The following DNAH2 variants were observed in gnomAD, a reference collection of about 807,000 sequenced individuals.
DNAH2 encodes the protein dynein axonemal heavy chain 2.
In DNAH2, 323 loss-of-function variants were observed where a neutral mutation model predicts 523.5. The ratio of observed to expected loss-of-function variants is 0.62; its 90% CI spans 0.56 to 0.68. The LOEUF (loss-of-function observed/expected upper bound fraction) is 0.68, where lower values mean the gene tolerates loss of function less well. DNAH2 is among the 30% of genes least tolerant of loss of function. The probability of loss-of-function intolerance (pLI) is 0.00; values close to 1 mark genes in which losing one functional copy is unlikely to be tolerated. For missense variants in DNAH2, 4,907 were observed against 5,701.5 expected (o/e 0.86, Z 4.49); for synonymous variants, 2,093 against 2,177.4 (o/e 0.96, Z 1.08).
chr17:7,774,665 T>C, intron 28 of DNAH2, 94 bp from the exon 29 acceptor site: 1 of 1,140,988 alleles, frequency 8.8e-7, no homozygotes, highest in Non-Finnish European at 1.3e-6. Flanking sequence ...TGCCCCACTG[T>C]TCAAGAGCTG....
In DNAH2 at chr17:7,796,758, A is replaced by G. The variant is rs1240823775; in HGVS notation, c.7863+106A>G. ...CTCACTAGCATGCGCACCAAAAGTC[A>G]CCCCCATGCTGAAGTGCCACACTCC... On this transcript the variant is annotated intron_variant, in intron 50 of 85. Coordinates refer to ENST00000572933, the MANE Select transcript of DNAH2 (RefSeq NM_020877.5). The G allele has an allele frequency of 5.4e-6, 7 of 1,285,212 alleles. No individual in the cohort carries two copies. In the African/African-American group the frequency reaches 7.6e-5, roughly 14 times the overall value. 79.6% of individuals were successfully genotyped at this position (1,285,212 alleles called of 1,614,324 possible).
intron 44 of DNAH2, among the ~76,000 whole-genome samples, chr17:7,789,374 G>A (rs997977792): frequency 2.6e-5 from 4 of 152,150 alleles, no homozygotes; most frequent in African/African-American, 7.2e-5. Context: ...CGAGCTGGTG[G>A]TCTGTAGCCG....
chr17:7,804,345 T>C lies in DNAH2; in HGVS notation c.9062T>C (p.Val3021Ala), dbSNP rs778791164. Residue 3021 changes from valine (V) to alanine (A), a missense_variant, in exon 59 of 86, where the codon GTG (valine) becomes GCG (alanine). This residue lies in a region of DNAH2 where 1,851 missense variants were observed against 2,139.4 expected (regional missense o/e 0.87). Transcript: ENST00000572933. ...LFKIDETREK[V>A]QVMSLELEDA... ...AAGATCGACGAAACTAGGGAAAAGGTGCAAGTGATGTCGTTGGAGCTGGAG... is the reference window on the plus strand; with the variant it reads ...AAGATCGACGAAACTAGGGAAAAGGCGCAAGTGATGTCGTTGGAGCTGGAG... The C allele has an allele frequency of 1.2e-6, 2 of 1,614,038 alleles. No homozygotes were observed. The highest frequency in any genetic ancestry group is 1.7e-6 in the Non-Finnish European group (2 of 1,180,004).
At position 7,763,813 on chromosome 17, in the gene DNAH2, G is replaced by T. The variant is rs751665003; in HGVS notation, c.2979-18G>T. 5.6e-6 allele frequency: 9 copies of T among 1,613,604 alleles called. No individual in the cohort carries two copies. The East Asian group carries it at 2.0e-4, about 36-fold the overall frequency. On this transcript the variant is annotated intron_variant, in intron 18 of 85. Transcript: ENST00000572933. ...GCAAAGAAAACAACATCCTAGCTGGGATCTGGGGCTCTTGCAGCTACACGG... is the reference window on the plus strand; with the variant it reads ...GCAAAGAAAACAACATCCTAGCTGGTATCTGGGGCTCTTGCAGCTACACGG...
rs1007625911 is a variant in DNAH2, at chr17:7,771,492, C to G, written c.4501+24C>G. 5 of 1,612,430 alleles carry G rather than the reference C, an allele frequency of 3.1e-6. No homozygotes were observed. In the African/African-American group the frequency reaches 6.7e-5, roughly 22 times the overall value. On this transcript the variant is annotated intron_variant, in intron 28 of 85. Coordinates refer to ENST00000572933, the MANE Select transcript of DNAH2 (RefSeq NM_020877.5). ...AGGTCAGAGCTCCAGGGCTCCTGCC[C>G]TGACACAGCCTCGGCAGGCACTCTG...
chr17:7,800,060 T>C (rs1597705047), intron 56 of DNAH2, among the ~76,000 whole-genome samples: 1 of 152,352 alleles, frequency 6.6e-6, no homozygotes, highest in East Asian at 1.9e-4. Flanking sequence ...CTTTGTTTCT[T>C]TTTTTGTTTG....
rs143499689 is a variant in DNAH2 at position 7,805,442 on chromosome 17, T to C, written c.9442+49T>C. The C allele has an allele frequency of 6.8e-6, 11 of 1,611,306 alleles. No individual in the cohort carries two copies. In the South Asian group the frequency reaches 7.7e-5, roughly 11 times the overall value. On this transcript the variant is annotated intron_variant, in intron 61 of 85. Coordinates refer to ENST00000572933, the MANE Select transcript of DNAH2 (RefSeq NM_020877.5). Reference sequence around the variant, plus strand: ...ATGACTTCCACTCACCCAGTGTTTATTGATCGTCGGCTGTGCAGCAGACAC... The same window carrying C: ...ATGACTTCCACTCACCCAGTGTTTACTGATCGTCGGCTGTGCAGCAGACAC...
In DNAH2 at chr17:7,719,847, C is replaced by T. The variant is rs2151110129; in HGVS notation, c.113C>T (p.Ala38Val). The change falls in exon 2 of 86, where the codon GCC becomes GTC. Residue 38 changes from alanine (A) to valine (V), a missense_variant. Ala to Val is a moderately conservative substitution (Grantham distance 64). Coordinates refer to ENST00000572933, the MANE Select transcript of DNAH2 (RefSeq NM_020877.5). ...AAVATQEQGN[A>V]PAVSEPELQA... ...GTGGCCACACAGGAGCAGGGGAATG[C>T]CCCGGCTGTCAGTGAGCCAGAGCTG... 1 of 1,602,236 alleles carries T rather than the reference C, an allele frequency of 6.2e-7. No homozygotes were observed. Among genetic ancestry groups the T allele is most frequent in the Non-Finnish European group, 8.5e-7 (1 of 1,174,006 alleles).
At position 7,727,252 on chromosome 17, in the gene DNAH2, C is replaced by T; in HGVS notation, c.359C>T (p.Pro120Leu). Residue 120 changes from proline to leucine, a missense_variant, in exon 4 of 86, where the codon CCT becomes CTT. Pro to Leu is a moderately conservative substitution (Grantham distance 98, BLOSUM62 -3). Transcript: ENST00000572933. The stretch of plus-strand genomic sequence containing the variant: ...TCCATCCTCACCATCTTCATTGACC[C>T]TTGTTTTGGGCTGAAGCTAGAGCTG... ...TESILTIFIDPCFGLKLELGM... is the reference protein window; with the variant it reads ...TESILTIFIDLCFGLKLELGM... 1 of 1,611,840 alleles carries T rather than the reference C, an allele frequency of 6.2e-7. No homozygotes were observed.
intron 12 of DNAH2, among the ~76,000 whole-genome samples, chr17:7,750,450 G>A (rs2075652569): frequency 6.6e-6 from 1 of 151,768 alleles, no homozygotes; most frequent in African/African-American, 2.4e-5. Context: ...CTCTTTTTTG[G>A]TTTACGCCTT....
At position 7,817,272 on chromosome 17, in the gene DNAH2, C is replaced by T. The variant is rs2077698587; in HGVS notation, c.9895-18C>T. 1 of 1,584,374 alleles carries T rather than the reference C, an allele frequency of 6.3e-7. No individual in the cohort carries two copies. The highest frequency in any genetic ancestry group is 8.5e-7 in the Non-Finnish European group (1 of 1,172,190). ...GTGCTGGGGCCCAGGCAGGCTTACC[C>T]TCCCTCCTGTCCGCCAGGGCCTGGA... On this transcript the variant is annotated intron_variant, in intron 64 of 85. Transcript: ENST00000572933.
In DNAH2 at chr17:7,781,103, T is replaced by C. The variant is rs928231337; in HGVS notation, c.6065T>C (p.Leu2022Pro). 6.2e-7 allele frequency: 1 copy of C among 1,614,228 alleles called. No individual in the cohort carries two copies. Among genetic ancestry groups the C allele is most frequent in the Non-Finnish European group, 8.5e-7 (1 of 1,180,044 alleles). The part of the protein sequence containing the change: ...IAKLTSVDAP[L>P]FNAIVQDLFP... ...AAGCTCACTTCAGTTGATGCACCCC[T>C]GTTCAATGCCATCGTGCAAGATCTG... The change falls in exon 39 of 86, where the codon CTG becomes CCG. Residue 2022 changes from leucine to proline, a missense_variant. By Grantham distance (98) the Leu-to-Pro change is moderately conservative (BLOSUM62 -3). Around this residue, in one of 3 missense-constraint regions of DNAH2, gnomAD observed 2,806 missense variants for 3,190.8 expected, o/e 0.88. Coordinates refer to ENST00000572933, the MANE Select transcript of DNAH2 (RefSeq NM_020877.5).
chr17:7,810,249 G>A (rs568195965), intron 63 of DNAH2, among the ~76,000 whole-genome samples: 3 of 151,728 alleles, frequency 2.0e-5, no homozygotes, highest in Non-Finnish European at 4.4e-5. Context: ...ATTTTTTGTA[G>A]AGACGGGGTT....
In DNAH2 at chr17:7,727,148, G is replaced by A. The variant is rs35406368; in HGVS notation, c.255G>A (p.Ala85=). The A allele has an allele frequency of 6.6e-4, 1,045 of 1,584,204 alleles. 10 individuals carry two copies. In the African/African-American group the frequency reaches 0.012, roughly 19 times the overall value. The part of the protein sequence containing the change: ...DVKPLFLSRA[A]LTGLADAVWT... ...AGCCCCTCTTCCTTTCCCGAGCTGC[G>A]CTGACAGGACTGGCGGATGCAGTGT... Residue 85 remains alanine (A), a synonymous_variant, in exon 4 of 86, where the codon GCG becomes GCA. Coordinates refer to ENST00000572933, the MANE Select transcript of DNAH2 (RefSeq NM_020877.5).
rs776630365 is a variant in DNAH2, at chr17:7,788,228, C to T, written c.6884C>T (p.Ala2295Val). The stretch of plus-strand genomic sequence containing the variant: ...CTCTGCAAGCTGTACTCTGCCCTGG[C>T]CACGCCAGAGAATGGGGTAAGGGGA... Reference protein sequence around the residue: ...TSLCKLYSALATPENGVNPAD... With the variant: ...TSLCKLYSALVTPENGVNPAD... Residue 2295 changes from alanine (A) to valine (V), a missense_variant, in exon 44 of 86, where the codon GCC (alanine) becomes GTC (valine). Coordinates refer to ENST00000572933, the MANE Select transcript of DNAH2 (RefSeq NM_020877.5). 2 of 1,593,270 alleles carry T rather than the reference C, an allele frequency of 1.3e-6. No homozygotes were observed. Among genetic ancestry groups the T allele is most frequent in the Non-Finnish European group, 1.7e-6 (2 of 1,169,706 alleles).
chr17:7,764,420 T>G, intron 20 of DNAH2, 147 bp downstream of exon 20: 1 of 933,444 alleles, frequency 1.1e-6, no homozygotes. Context: ...AAATGATACC[T>G]TTACTTAGCT....
At position 7,787,877 on chromosome 17, in the gene DNAH2, A is replaced by G. The variant is rs775334745; in HGVS notation, c.6621A>G (p.Glu2207=). 177 of 1,613,928 alleles carry G rather than the reference A, an allele frequency of 1.1e-4. 2 individuals carry two copies. The South Asian group carries it at 1.7e-3, about 16-fold the overall frequency. ...ATCCTTAGGTGTCTCTCCTGTTTGA[A>G]GTGGAGGACCTGGCAATGGCCTCTC... The part of the protein sequence containing the change: ...AMPEQVSLLF[E]VEDLAMASPA... Residue 2207 remains glutamate, a synonymous_variant, in exon 43 of 86, where the codon GAA becomes GAG. Transcript: ENST00000572933.
chr17:7,791,792 A>ACAG, intron 44 of DNAH2, 125 bp from the exon 45 acceptor site: 3 of 944,422 alleles, frequency 3.2e-6, no homozygotes, highest in African/African-American at 1.7e-5. Context: ...AAACTGTGCG[A>ACAG]TTTTCCAAAT....
rs1287526256 is a variant in DNAH2 at position 7,798,202 on chromosome 17, T to C, written c.8276T>C (p.Leu2759Pro). 6 of 1,612,574 alleles carry C rather than the reference T, an allele frequency of 3.7e-6. No homozygotes were observed. Among genetic ancestry groups the C allele is most frequent in the Non-Finnish European group, 5.1e-6 (6 of 1,178,796 alleles). Residue 2759 changes from leucine to proline, a missense_variant, in exon 54 of 86, where the codon CTC becomes CCC. Transcript: ENST00000572933. This position sits in a 1 kb window ranked among gnomAD's most constrained non-coding sequence, Gnocchi z 5.5. ...ATTGGACAGCCTCGGGGCAACATGCTCCTGGTGGGTATCGGGGGCAGCGGA... is the reference window on the plus strand; with the variant it reads ...ATTGGACAGCCTCGGGGCAACATGCCCCTGGTGGGTATCGGGGGCAGCGGA... ...RVIGQPRGNM[L>P]LVGIGGSGRQ...
Sources: gnomAD v4.1 joint callset for allele counts (sites outside exome capture counted in the v4.1 genomes callset) on GRCh38, gnomAD v4.1.1 for gene constraint, gnomAD v4.1.1 regional missense constraint, Gnocchi (gnomAD v3.1) non-coding constraint, MANE v1.5 for transcripts, NCBI Gene and HGNC (gene_info 2026-07-23, HGNC 2026-07-21) for gene names.